Variants in EPHA6 observed in about 807,000 individuals in gnomAD.
The protein encoded by EPHA6 is EPH receptor A6.
A neutral mutation model predicts 112.0 loss-of-function variants in EPHA6; 50 were observed. That is an observed-to-expected ratio of 0.45 (90% CI 0.36 to 0.56). The LOEUF (loss-of-function observed/expected upper bound fraction) is 0.56, where lower values mean the gene tolerates loss of function less well. Ranked by LOEUF, EPHA6 falls within the 20% of genes least tolerant of loss-of-function variation. The pLI is 0.00. For synonymous variants in EPHA6, 529 were observed against 490.7 expected, an observed-to-expected ratio of 1.08 and a Z score of -1.03; for missense variants, 1,280 against 1,417.4, an observed-to-expected ratio of 0.90 and a Z score of 1.56.
At chr3:97,647,223 A>G (rs1205368062) in intron 14 of EPHA6, among the ~76,000 whole-genome samples, 2 of 152,168 alleles carry the variant, frequency 1.3e-5, no homozygotes, top group African/African-American at 4.8e-5. Context: ...ACCACCAACC[A>G]AAAACAAAGG....
chr3:97,132,250 C>T (rs774723721), intron 3 of EPHA6, among the ~76,000 whole-genome samples: 9 of 152,036 alleles, frequency 5.9e-5, no homozygotes, highest in Admixed American at 2.0e-4. Flanking sequence ...GCACTTGCAA[C>T]GTGTCAGGGA....
At chr3:97,057,392 G>C (rs2045884800) in intron 3 of EPHA6, among the ~76,000 whole-genome samples, 3 of 152,212 alleles carry the variant, frequency 2.0e-5, no homozygotes. Context: ...GCTTAGCTGA[G>C]GATGCTATGA....
chr3:97,543,042 G>A (rs2107681259), intron 11 of EPHA6, among the ~76,000 whole-genome samples: 1 of 152,254 alleles, frequency 6.6e-6, no homozygotes, highest in South Asian at 2.1e-4. Context: ...CCACTTTGTA[G>A]GTTGCCTGTT....
intron 2 of EPHA6, among the ~76,000 whole-genome samples, chr3:96,956,977 G>A (rs1001357112): frequency 1.3e-5 from 2 of 150,690 alleles, no homozygotes; most frequent in Non-Finnish European, 2.9e-5. Flanking sequence ...AGGTTGCAGT[G>A]AGCCAAGATT....
intron 3 of EPHA6, among the ~76,000 whole-genome samples, chr3:97,004,247 T>C (rs2043791358): frequency 6.6e-6 from 1 of 152,184 alleles, no homozygotes; most frequent in South Asian, 2.1e-4. Flanking sequence ...TGAACTAATT[T>C]ACATTCACAC....
chr3:96,985,383 A>T (rs2042981611), intron 2 of EPHA6, among the ~76,000 whole-genome samples: 1 of 152,176 alleles, frequency 6.6e-6, no homozygotes, highest in Admixed American at 6.5e-5. Flanking sequence ...ATTTTTAGAC[A>T]TTGATTTTGA....
intron 13 of EPHA6, among the ~76,000 whole-genome samples, chr3:97,634,674 A>C (rs2093931244): frequency 6.6e-6 from 1 of 152,052 alleles, no homozygotes; most frequent in African/African-American, 2.4e-5. Flanking sequence ...TTACACGAGC[A>C]GCCTGAATCC....
In EPHA6 at chr3:97,752,270, G is replaced by GCTCTCTTTAGAAGAGACGT. The variant is rs1177208042; in HGVS notation, c.*3573_*3574insCTTTAGAAGAGACGTCTCT. The GCTCTCTTTAGAAGAGACGT allele has an allele frequency of 1.3e-5, 3 of 222,682 alleles. No homozygotes were observed. Among genetic ancestry groups the GCTCTCTTTAGAAGAGACGT allele is most frequent in the African/African-American group, 6.7e-5 (3 of 44,802 alleles). The allele number at this position is 222,682 out of a possible 1,614,324, so 13.8% of individuals were successfully genotyped here. A position where few individuals can be genotyped will look rare whatever the true frequency, so the allele number is the denominator to read the frequency against. ...CTTGAAAAGCAAAGGCTCTAAAGAA[G>GCTCTCTTTAGAAGAGACGT]CTCTTCAGAAGAGACGGTAAAGAAT... On this transcript the variant is annotated 3_prime_UTR_variant, in exon 18 of 18. Coordinates refer to ENST00000389672, the MANE Select transcript of EPHA6 (RefSeq NM_001080448.3).
chr3:96,958,863 G>A (rs774525545), intron 2 of EPHA6, among the ~76,000 whole-genome samples: 56 of 151,932 alleles, frequency 3.7e-4, no homozygotes, highest in Non-Finnish European at 6.5e-4. Flanking sequence ...TTTTATTCCC[G>A]AATACTATTC....
At chr3:96,891,465 C>T (rs2037958395) in intron 2 of EPHA6, among the ~76,000 whole-genome samples, 1 of 144,846 alleles carries the variant, frequency 6.9e-6, no homozygotes, top group Non-Finnish European at 1.5e-5. Flanking sequence ...TGGTAAAACA[C>T]TCTGGGAGAC....
At chr3:97,552,723 G>C (rs1177886415) in intron 11 of EPHA6, among the ~76,000 whole-genome samples, 5 of 152,122 alleles carry the variant, frequency 3.3e-5, no homozygotes, top group African/African-American at 1.2e-4. Flanking sequence ...GTAAATACTA[G>C]TTTTGTAATT....
chr3:97,153,546 A>G (rs2076218079), intron 3 of EPHA6, among the ~76,000 whole-genome samples: 1 of 152,162 alleles, frequency 6.6e-6, no homozygotes, highest in South Asian at 2.1e-4. Flanking sequence ...CCAACTTTCA[A>G]GCATAATTGG....
intron 7 of EPHA6, 131 bp from the exon 8 acceptor site, chr3:97,475,221 T>C (rs2091334810): frequency 1.5e-6 from 1 of 653,526 alleles, no homozygotes; most frequent in East Asian, 2.8e-5. Context: ...ACGTGTCAAA[T>C]ACTGAAATAA....
intron 7 of EPHA6, among the ~76,000 whole-genome samples, chr3:97,450,341 G>A (rs944228541): frequency 6.6e-6 from 1 of 151,996 alleles, no homozygotes; most frequent in Non-Finnish European, 1.5e-5. Flanking sequence ...TTTAGGCTGT[G>A]TTTCTTTTCA....
chr3:96,922,337 G>A (rs1283334826), intron 2 of EPHA6, among the ~76,000 whole-genome samples: 9 of 152,110 alleles, frequency 5.9e-5, no homozygotes, highest in Admixed American at 4.6e-4. Context: ...TCAAAGAATG[G>A]TAAAATCACT....
At chr3:97,311,018 T>C (rs2081534805) in intron 5 of EPHA6, among the ~76,000 whole-genome samples, 1 of 151,552 alleles carries the variant, frequency 6.6e-6, no homozygotes, top group Non-Finnish European at 1.5e-5. Context: ...ACCTGATGAG[T>C]AACATAGAAG....
chr3:97,441,411 TACAG>T, intron 6 of EPHA6: 7 of 971,002 alleles, frequency 7.2e-6, no homozygotes, highest in Non-Finnish European at 8.6e-6. Flanking sequence ...AAAAACAAAA[TACAG>T]ACAAACAAAA....
At chr3:96,986,898 G>A (rs1380217473) in intron 2 of EPHA6, among the ~76,000 whole-genome samples, 1 of 152,202 alleles carries the variant, frequency 6.6e-6, no homozygotes, top group Non-Finnish European at 1.5e-5. Context: ...TATAAGGAAA[G>A]ATGGGAAACC....
chr3:97,394,952 T>G (rs554728949), intron 5 of EPHA6, among the ~76,000 whole-genome samples: 1 of 151,746 alleles, frequency 6.6e-6, no homozygotes, highest in East Asian at 1.9e-4. Context: ...CACCAGATAA[T>G]CCAGGCTAAT....
Sources: allele counts gnomAD v4.1 joint callset (sites outside exome capture counted in the v4.1 genomes callset), GRCh38; gene constraint gnomAD v4.1.1; transcripts MANE v1.5; gene names NCBI Gene and HGNC (gene_info 2026-07-23, HGNC 2026-07-21).